Variants in PTPN12 observed in about 807,000 individuals in gnomAD.
PTPN12 encodes tyrosine-protein phosphatase non-receptor type 12.
Under a neutral mutation model 97.6 loss-of-function variants are expected in PTPN12, and 29 were observed. The ratio of observed to expected loss-of-function variants is 0.30; its 90% CI spans 0.22 to 0.41. The LOEUF (loss-of-function observed/expected upper bound fraction) is 0.41, where lower values mean the gene tolerates loss of function less well. PTPN12 is among the 10% of genes least tolerant of loss of function. The pLI, the probability that PTPN12 is intolerant of heterozygous loss-of-function variation, is 1.00. For missense variants in PTPN12, 819 were observed against 926.0 expected (o/e 0.88, Z 1.50); for synonymous variants, 327 against 300.4 (o/e 1.09, Z -0.91).
At chr7:77,557,025 G>A (rs978038980) in intron 1 of PTPN12, among the ~76,000 whole-genome samples, 3 of 151,758 alleles carry the variant, frequency 2.0e-5, no homozygotes, top group Non-Finnish European at 4.4e-5. Flanking sequence ...GGAGTGCAAC[G>A]GCACAGCCTT....
At chr7:77,564,205 T>C (rs968022169) in intron 1 of PTPN12, 1 of 158,826 alleles carries the variant, frequency 6.3e-6, no homozygotes, top group African/African-American at 2.4e-5. Flanking sequence ...TGTAAGTATG[T>C]TTGTAAAGTT....
intron 1 of PTPN12, among the ~76,000 whole-genome samples, chr7:77,549,791 A>G (rs1807400024): frequency 6.6e-6 from 1 of 152,064 alleles, no homozygotes; most frequent in Non-Finnish European, 1.5e-5. Context: ...TATGTTGCCC[A>G]GCTGGTCTCA....
intron 1 of PTPN12, among the ~76,000 whole-genome samples, chr7:77,548,845 C>A (rs1382378612): frequency 6.6e-6 from 1 of 152,204 alleles, no homozygotes; most frequent in African/African-American, 2.4e-5. Context: ...ACTCCTCTCT[C>A]CATGCCAGCC....
At chr7:77,599,708 G>T (rs1336293408) in intron 7 of PTPN12, among the ~76,000 whole-genome samples, 1 of 152,126 alleles carries the variant, frequency 6.6e-6, no homozygotes, top group Non-Finnish European at 1.5e-5. Flanking sequence ...TGTTACGTCT[G>T]TTGCACATAG....
intron 3 of PTPN12, among the ~76,000 whole-genome samples, chr7:77,582,213 G>T (rs1787543723): frequency 1.4e-5 from 2 of 145,664 alleles, no homozygotes; most frequent in South Asian, 4.3e-4. Context: ...TCCTGCCTTG[G>T]TCTCGATCTC....
chr7:77,607,156 TA>T, intron 8 of PTPN12, 78 bp from the exon 9 acceptor site: 1 of 1,139,958 alleles, frequency 8.8e-7, no homozygotes, highest in Non-Finnish European at 1.3e-6. Flanking sequence ...TGTTTCTGAA[TA>T]TTAACATGTC....
At chr7:77,608,156 G>A (rs1324352582) in intron 9 of PTPN12, among the ~76,000 whole-genome samples, 2 of 152,126 alleles carry the variant, frequency 1.3e-5, no homozygotes, top group Non-Finnish European at 2.9e-5. Flanking sequence ...ATGCTGACTC[G>A]AGCCAAATTG....
intron 8 of PTPN12, among the ~76,000 whole-genome samples, chr7:77,601,377 A>T (rs184649533): frequency 5.8e-4 from 88 of 152,018 alleles, no homozygotes; most frequent in Middle Eastern, 3.4e-3. Flanking sequence ...ATTAAAAAAA[A>T]TTTTTTTTAA....
intron 1 of PTPN12, among the ~76,000 whole-genome samples, chr7:77,556,644 T>G (rs1584103258): frequency 6.6e-6 from 1 of 151,896 alleles, no homozygotes; most frequent in African/African-American, 2.4e-5. Context: ...GGTCAAGAGA[T>G]AGAGACCATC....
chr7:77,544,240 G>C (rs1046072829), intron 1 of PTPN12, among the ~76,000 whole-genome samples: 1 of 152,168 alleles, frequency 6.6e-6, no homozygotes, highest in Non-Finnish European at 1.5e-5. Context: ...TGGTTAGCTT[G>C]TAAGATTTTG....
Position 77,546,464 on chromosome 7 carries a change from C to T in PTPN12, c.99+8819C>T, listed in dbSNP as rs536403052. On this transcript the variant is annotated intron_variant, in intron 1 of 17. Coordinates refer to ENST00000248594, the MANE Select transcript of PTPN12 (RefSeq NM_002835.4). Reference sequence around the variant, plus strand: ...CTCCTCTTCCAGCATTTTATATTTCCTGTAGTATTTAAGTTTCTTTAGATT... The same window carrying T: ...CTCCTCTTCCAGCATTTTATATTTCTTGTAGTATTTAAGTTTCTTTAGATT... Among the ~76,000 whole-genome samples the T allele has an allele frequency of 2.0e-5, 3 of 152,236 alleles. No individual in the cohort carries two copies. In the South Asian group the frequency reaches 6.2e-4, roughly 32 times the overall value.
chr7:77,614,800 A>G (rs1264393055), intron 11 of PTPN12, among the ~76,000 whole-genome samples: 1 of 152,220 alleles, frequency 6.6e-6, no homozygotes, highest in Non-Finnish European at 1.5e-5. Context: ...TGTATTAACT[A>G]TTTAGAAGCT....
At position 77,627,017 on chromosome 7, in the gene PTPN12, A is replaced by T; in HGVS notation, c.1338A>T (p.Gly446=). The T allele has an allele frequency of 6.2e-7, 1 of 1,607,956 alleles. No homozygotes were observed. The highest frequency in any genetic ancestry group is 8.5e-7 in the Non-Finnish European group (1 of 1,178,158). The change falls in exon 13 of 18, where the codon GGA becomes GGT. Residue 446 remains glycine (G), a synonymous_variant. Transcript: ENST00000248594. ...FEIKKVPLQE[G]PKSFDGNTLL... ...TTAAGAAGGTCCCTCTCCAAGAGGG[A>T]CCAAAAAGTTTTGATGGGAACACAC...
At chr7:77,591,944 G>A (rs1273116114) in intron 5 of PTPN12, among the ~76,000 whole-genome samples, 1 of 152,144 alleles carries the variant, frequency 6.6e-6, no homozygotes, top group East Asian at 1.9e-4. Flanking sequence ...CTGGCAGATA[G>A]CAATGAACAG....
At chr7:77,618,349 AC>A in intron 11 of PTPN12, 130 bp from the exon 12 acceptor site, 1 of 588,894 alleles carries the variant, frequency 1.7e-6, no homozygotes, top group South Asian at 2.7e-5. Flanking sequence ...AGAATATAAG[AC>A]TTTTTTTTTT....
At chr7:77,611,453 C>CT (rs1394426438) in intron 11 of PTPN12, among the ~76,000 whole-genome samples, 10 of 151,244 alleles carry the variant, frequency 6.6e-5, no homozygotes, top group Admixed American at 2.6e-4. Context: ...CTTTTCTTTT[C>CT]TTTTTTTTGA....
intron 1 of PTPN12, among the ~76,000 whole-genome samples, chr7:77,549,056 A>G (rs1426720279): frequency 6.6e-6 from 1 of 152,228 alleles, no homozygotes; most frequent in African/African-American, 2.4e-5. Flanking sequence ...TTATGGAAAG[A>G]GCTCAGAATG....
At chr7:77,636,989 G>A (rs775113956) in intron 15 of PTPN12, 29 bp from the exon 16 acceptor site, 11 of 1,561,958 alleles carry the variant, frequency 7.0e-6, no homozygotes, top group South Asian at 2.3e-5. Flanking sequence ...TGAATGTATT[G>A]TAATAGGTAT....
intron 1 of PTPN12, among the ~76,000 whole-genome samples, chr7:77,543,266 A>AT (rs11409092): frequency 0.65 from 97,766 of 150,248 alleles, 33,056 homozygotes; most frequent in East Asian, 0.9. Flanking sequence ...GTGTCTTTCC[A>AT]TTTTTTTTAA....
Sources: allele counts gnomAD v4.1 joint callset (sites outside exome capture counted in the v4.1 genomes callset), GRCh38; gene constraint gnomAD v4.1.1; transcripts MANE v1.5; gene names NCBI Gene and HGNC (gene_info 2026-07-23, HGNC 2026-07-21).